The following MGAM2 variants were observed in gnomAD, a reference collection of about 807,000 sequenced individuals.
The protein encoded by MGAM2 is maltase-glucoamylase 2 (putative), also known as probable maltase-glucoamylase 2.
In MGAM2, 98 loss-of-function variants were observed where a neutral mutation model predicts 96.1. That is an observed-to-expected ratio of 1.02 (90% confidence interval 0.87 to 1.21). The LOEUF (loss-of-function observed/expected upper bound fraction) is 1.21, where lower values mean the gene tolerates loss of function less well. Ranked by LOEUF, MGAM2 falls within the 50% of genes most tolerant of loss-of-function variation. The pLI is 0.00. For missense variants in MGAM2, 2,055 were observed against 1,182.4 expected, an observed-to-expected ratio of 1.74 and a Z score of -10.82; for synonymous variants, 749 against 414.8, an observed-to-expected ratio of 1.81 and a Z score of -9.79.
Position 142,120,369 on chromosome 7 carries a change from G to C in MGAM2, c.174G>C (p.Gln58His). Residue 58 changes from glutamine (Q) to histidine (H), a missense_variant, in exon 3 of 48, where the codon CAG (glutamine) becomes CAC (histidine). Coordinates refer to ENST00000477922, the MANE Select transcript of MGAM2 (RefSeq NM_001293626.2). ...QSERIDCTPD[Q>H]EVTEDICRWQ... is the part of the protein sequence containing the mutation. ...AAAGGATAGACTGCACACCTGACCA[G>C]GAGGTGACCGAGGTCAGAGAAATAA... 5.7e-6 allele frequency: 4 copies of C among 703,108 alleles called. No individual in the cohort carries two copies. Among genetic ancestry groups the C allele is most frequent in the Non-Finnish European group, 5.2e-6 (2 of 384,988 alleles). The allele number at this position is 703,108 out of a possible 1,614,324, so 43.6% of individuals were successfully genotyped here. A position where few individuals can be genotyped will look rare whatever the true frequency, so the allele number is the denominator to read the frequency against.
intron 47 of MGAM2, among the ~76,000 whole-genome samples, chr7:142,219,351 T>A (rs1187173440): frequency 6.6e-6 from 1 of 152,222 alleles, no homozygotes; most frequent in Non-Finnish European, 1.5e-5. Context: ...CTCTTCTGGG[T>A]ATTTACCTTA....
intron 23 of MGAM2, among the ~76,000 whole-genome samples, chr7:142,163,550 G>A (rs1352877300): frequency 6.6e-6 from 1 of 152,160 alleles, no homozygotes; most frequent in Admixed American, 6.5e-5. Flanking sequence ...AAAGTGCTGG[G>A]GTTACAGGCG....
chr7:142,184,154 G>A (rs925034450), intron 33 of MGAM2, among the ~76,000 whole-genome samples: 3 of 151,578 alleles, frequency 2.0e-5, no homozygotes, highest in African/African-American at 7.3e-5. Flanking sequence ...TGTATTTTTA[G>A]TAGAGATGGG....
chr7:142,177,491 C>A lies in MGAM2; in HGVS notation c.3816+1711C>A, dbSNP rs76125975. On this transcript the variant is annotated intron_variant, in intron 32 of 47. Transcript: ENST00000477922. ...CCCAGATAGTGAACATAGCACCAAA[C>A]AGGTAGTTTTTCAACCCTTGCCCCA... Among the ~76,000 whole-genome samples the A allele has an allele frequency of 5.2e-3, 788 of 152,210 alleles. 8 individuals carry two copies. Among genetic ancestry groups the A allele is most frequent in the African/African-American group, 0.018 (759 of 41,528 alleles).
chr7:142,139,982 T>C (rs1199726817), intron 10 of MGAM2, among the ~76,000 whole-genome samples: 1 of 152,234 alleles, frequency 6.6e-6, no homozygotes. Flanking sequence ...AAATGACTGC[T>C]CAGTATTAGA....
intron 32 of MGAM2, among the ~76,000 whole-genome samples, chr7:142,176,519 T>C (rs1796383743): frequency 6.6e-6 from 1 of 152,176 alleles, no homozygotes; most frequent in Non-Finnish European, 1.5e-5. Flanking sequence ...CTTTTTCTTA[T>C]AAAGTTTTTA....
rs1291753105 is a variant in MGAM2 at position 142,114,212 on chromosome 7, A to AAGAG, written c.-1+2409_-1+2412dup. On this transcript the variant is annotated intron_variant, in intron 1 of 47. Transcript: ENST00000477922. ...AAAGAAAGAAAGAAAGAAAGAAAGA[A>AAGAG]AGAGAGAAAGAAAGAAAGAAATAGG... Among the ~76,000 whole-genome samples, 10 of 107,132 alleles carry AAGAG rather than the reference A, an allele frequency of 9.3e-5. 2 individuals are homozygous for AAGAG. Among genetic ancestry groups the AAGAG allele is most frequent in the East Asian group, 3.3e-4 (1 of 2,998 alleles). The allele number at this position is 107,132 out of a possible 152,430, so 70.3% of individuals were successfully genotyped here. A position where few individuals can be genotyped will look rare whatever the true frequency, so the allele number is the denominator to read the frequency against.
intron 2 of MGAM2, among the ~76,000 whole-genome samples, chr7:142,119,764 C>T (rs992586444): frequency 6.6e-6 from 1 of 152,158 alleles, no homozygotes; most frequent in African/African-American, 2.4e-5. Flanking sequence ...ATGGATTAAC[C>T]TGCAAAACCT....
intron 12 of MGAM2, among the ~76,000 whole-genome samples, chr7:142,142,569 TG>T (rs1795264721): frequency 6.8e-6 from 1 of 146,086 alleles, no homozygotes; most frequent in Non-Finnish European, 1.5e-5. Context: ...CTTGCTCTGT[TG>T]CCCAGGCTAG....
rs1797126487 is a variant in MGAM2 at position 142,198,612 on chromosome 7, T to C, written c.4924-3T>C. 4.3e-6 allele frequency: 3 copies of C among 702,576 alleles called. No individual in the cohort carries two copies. Among genetic ancestry groups the C allele is most frequent in the African/African-American group, 1.7e-5 (1 of 57,260 alleles). The allele number at this position is 702,576 out of a possible 1,614,324, so 43.5% of individuals were successfully genotyped here. ...CATTTTTTGCCTGTATTCTCCTTTC[T>C]AGGGAACTAGCAGCACATCAACAGG... On this transcript the variant is annotated splice_polypyrimidine_tract_variant and splice_region_variant and intron_variant, in intron 43 of 47. Transcript: ENST00000477922.
rs181868052 is a variant in MGAM2 at position 142,167,184 on chromosome 7, T to C, written c.2809-84T>C. 8.2e-6 allele frequency: 5 copies of C among 609,814 alleles called. No homozygotes were observed. In the East Asian group the frequency reaches 1.4e-4, roughly 17 times the overall value. The allele number at this position is 609,814 out of a possible 1,614,324, so 37.8% of individuals were successfully genotyped here. A position where few individuals can be genotyped will look rare whatever the true frequency, so the allele number is the denominator to read the frequency against. On this transcript the variant is annotated intron_variant, in intron 25 of 47. Coordinates refer to ENST00000477922, the MANE Select transcript of MGAM2 (RefSeq NM_001293626.2). ...AACCATGGACATGGTATTAGAGACT[T>C]AGTCTGTGTTAACCAACTTCTTCAG...
At chr7:142,136,213 A>G (rs976582336) in intron 7 of MGAM2, among the ~76,000 whole-genome samples, 2 of 152,176 alleles carry the variant, frequency 1.3e-5, no homozygotes, top group Admixed American at 1.3e-4. Flanking sequence ...TGACTTTTCT[A>G]GATATTTCAT....
rs1315242239 is a variant in MGAM2, at chr7:142,148,988, AG to A, written c.1634+1417del. 1.3e-5 allele frequency among the ~76,000 whole-genome samples: 2 copies of A among 152,004 alleles called. No individual in the cohort carries two copies. Among genetic ancestry groups the A allele is most frequent in the Non-Finnish European group, 2.9e-5 (2 of 68,010 alleles). On this transcript the variant is annotated intron_variant, in intron 15 of 47. Coordinates refer to ENST00000477922, the MANE Select transcript of MGAM2 (RefSeq NM_001293626.2). This position sits in a 1 kb window ranked among gnomAD's most constrained non-coding sequence, Gnocchi z 4.2. ...ACGTCTGTAATCCAAGCACTTTGGG[AG>A]GCTGAGGTGGGCAGATCACCTGAGT...
chr7:142,189,083 A>G (rs1796790713), intron 36 of MGAM2, among the ~76,000 whole-genome samples: 1 of 152,214 alleles, frequency 6.6e-6, no homozygotes, highest in Non-Finnish European at 1.5e-5. Flanking sequence ...ACAATGAAGG[A>G]GTTTATTATG....
Position 142,197,683 on chromosome 7 carries a change from G to A in MGAM2, c.4821G>A (p.Gln1607=). The A allele has an allele frequency of 1.4e-6, 1 of 702,974 alleles. No individual in the cohort carries two copies. The highest frequency in any genetic ancestry group is 2.6e-6 in the Non-Finnish European group (1 of 384,996). The allele number at this position is 702,974 out of a possible 1,614,324, so 43.5% of individuals were successfully genotyped here. The change falls in exon 42 of 48, where the codon CAG becomes CAA. Residue 1607 remains glutamine, a synonymous_variant. Coordinates refer to ENST00000477922, the MANE Select transcript of MGAM2 (RefSeq NM_001293626.2). ...GGACAACATGGGATATAGACCGTCA[G>A]TTCATGTTGGGCCCTGCTATCTTAA... is the stretch of plus-strand genomic sequence containing the variant. ...DDRTTWDIDR[Q]FMLGPAILIS...
chr7:142,172,694 CA>C lies in MGAM2; in HGVS notation c.3492del (p.Gly1165GlufsTer17). On this transcript the variant is annotated frameshift_variant, in exon 30 of 48. Transcript: ENST00000477922. LOFTEE classifies it high-confidence loss of function. ...QPTPALTYRT[T>X]GGILDFYIVL... ...ACTCCTGCTCTGACATACCGCACCA[CA>C]GGAGGGATTTTGGACTTCTACATTG... 2 of 705,344 alleles carry C rather than the reference CA, an allele frequency of 2.8e-6. No individual in the cohort carries two copies. Among genetic ancestry groups the C allele is most frequent in the Non-Finnish European group, 5.2e-6 (2 of 385,980 alleles). 43.7% of individuals were successfully genotyped at this position (705,344 alleles called of 1,614,324 possible). A position where few individuals can be genotyped will look rare whatever the true frequency, so the allele number is the denominator to read the frequency against.
chr7:142,158,793 A>G (rs1220379724), intron 19 of MGAM2, among the ~76,000 whole-genome samples: 1 of 152,224 alleles, frequency 6.6e-6, no homozygotes, highest in Admixed American at 6.5e-5. Context: ...TGTGTATCCT[A>G]TTAAGTGTGA....
chr7:142,194,473 G>C (rs1796965522), intron 37 of MGAM2, among the ~76,000 whole-genome samples: 2 of 151,882 alleles, frequency 1.3e-5, no homozygotes, highest in Admixed American at 6.6e-5. Context: ...CCTTATTCCA[G>C]GCCTTCATTA....
chr7:142,132,956 G>A (rs1794944353), intron 6 of MGAM2, among the ~76,000 whole-genome samples: 1 of 127,594 alleles, frequency 7.8e-6, no homozygotes, highest in Non-Finnish European at 1.6e-5. Context: ...TATTATATAT[G>A]CATTTATATT....
Sources: allele counts gnomAD v4.1 joint callset (sites outside exome capture counted in the v4.1 genomes callset), GRCh38; gene constraint gnomAD v4.1.1; non-coding constraint Gnocchi (gnomAD v3.1); transcripts MANE v1.5; gene names NCBI Gene and HGNC (gene_info 2026-07-23, HGNC 2026-07-21).